DERA: variants seen among roughly 807,000 people sequenced by gnomAD.
DERA encodes the protein deoxyribose-phosphate aldolase.
DERA carries 15 observed loss-of-function variants against 41.1 expected under a neutral mutation model. The ratio of observed to expected loss-of-function variants is 0.37; its 90% CI spans 0.24 to 0.56. The LOEUF (loss-of-function observed/expected upper bound fraction) is 0.56. Among genes scored for constraint, DERA ranks in the 20% least tolerant of loss-of-function variants. The probability of loss-of-function intolerance (pLI) is 0.81; values close to 1 mark genes in which losing one functional copy is unlikely to be tolerated. For synonymous variants in DERA, 139 were observed against 137.4 expected (o/e 1.01, Z -0.08); for missense variants, 396 against 403.4 (o/e 0.98, Z 0.16).
rs11056751 is a variant in DERA, at chr12:15,999,475, A to T, written c.637+17039A>T. Among the ~76,000 whole-genome samples, 2,071 of 152,326 alleles carry T rather than the reference A, an allele frequency of 0.014. 43 individuals carry two copies. The highest frequency in any genetic ancestry group is 0.046 in the African/African-American group (1,918 of 41,570). On this transcript the variant is annotated intron_variant, in intron 6 of 8. Coordinates refer to ENST00000428559, the MANE Select transcript of DERA (RefSeq NM_015954.4). The surrounding 1 kb of genome is among the most constrained non-coding windows in gnomAD (Gnocchi z 5.3). ...ACAGCTGACCTTCTCTGGAGGAGTC[A>T]TAGAAGAATTCACAAAGCAAGTGGC...
intron 5 of DERA, among the ~76,000 whole-genome samples, chr12:15,978,999 A>T (rs572513805): frequency 1.1e-4 from 16 of 152,346 alleles, no homozygotes; most frequent in African/African-American, 3.4e-4. Context: ...GAGTTAAGTA[A>T]CTTACCCAAA....
At chr12:16,034,750 TTC>T (rs895485436) in intron 7 of DERA, among the ~76,000 whole-genome samples, 1 of 140,924 alleles carries the variant, frequency 7.1e-6, no homozygotes, top group African/African-American at 3.1e-5. Flanking sequence ...GTCTTCCATA[TTC>T]TCTTTAAAAA....
chr12:16,036,459 T>C lies in DERA; in HGVS notation c.900+78T>C, dbSNP rs552542858. The C allele has an allele frequency of 1.4e-4, 212 of 1,481,328 alleles. No homozygotes were observed. In the African/African-American group the frequency reaches 2.5e-3, roughly 18 times the overall value. The allele number at this position is 1,481,328 out of a possible 1,614,324, so 91.8% of individuals were successfully genotyped here. A position where few individuals can be genotyped will look rare whatever the true frequency, so the allele number is the denominator to read the frequency against. On this transcript the variant is annotated intron_variant, in intron 8 of 8. Coordinates refer to ENST00000428559, the MANE Select transcript of DERA (RefSeq NM_015954.4). This position sits in a 1 kb window ranked among gnomAD's most constrained non-coding sequence, Gnocchi z 4.9. ...GGAATTGAAAAGTCAAATTGAGAAC[T>C]GGAGATAAAAACTCATCTGATTGAC...
rs1033668649 is a variant in DERA at position 15,928,334 on chromosome 12, C to A, written c.31+16920C>A. ...GGTAGATATGAAATCTACAGGTAAT[C>A]TCTAAGTGTTATTTTAATTAACAAA... On this transcript the variant is annotated intron_variant, in intron 1 of 8. Transcript: ENST00000428559. The surrounding 1 kb of genome is among the most constrained non-coding windows in gnomAD (Gnocchi z 4.6). Among the ~76,000 whole-genome samples the A allele has an allele frequency of 6.6e-6, 1 of 152,206 alleles. No individual in the cohort carries two copies. Among genetic ancestry groups the A allele is most frequent in the African/African-American group, 2.4e-5 (1 of 41,454 alleles).
At chr12:15,958,094 T>C (rs1231607122) in intron 2 of DERA, 94 bp from the exon 3 acceptor site, 1 of 1,010,966 alleles carries the variant, frequency 9.9e-7, no homozygotes, top group Non-Finnish European at 1.4e-6. Context: ...ACACCCATAC[T>C]TGTCTAATGA....
chr12:15,994,615 G>A lies in DERA; in HGVS notation c.637+12179G>A, dbSNP rs1313818296. Among the ~76,000 whole-genome samples the A allele has an allele frequency of 1.3e-5, 2 of 152,084 alleles. No individual in the cohort carries two copies. The highest frequency in any genetic ancestry group is 4.8e-5 in the African/African-American group (2 of 41,412). On this transcript the variant is annotated intron_variant, in intron 6 of 8. Transcript: ENST00000428559. The surrounding 1 kb of genome is among the most constrained non-coding windows in gnomAD (Gnocchi z 4.8). ...ACTACAGGCGCCTGCAACCACGCCTGGCTAATTTTTTGTATTTTTAGTAGA... is the reference window on the plus strand; with the variant it reads ...ACTACAGGCGCCTGCAACCACGCCTAGCTAATTTTTTGTATTTTTAGTAGA...
intron 1 of DERA, among the ~76,000 whole-genome samples, chr12:15,944,685 T>A (rs896936016): frequency 1.7e-4 from 26 of 152,230 alleles, no homozygotes; most frequent in Non-Finnish European, 2.9e-5. Flanking sequence ...AGGTTGCCTG[T>A]TCACTCTAAT....
chr12:15,925,605 A>C (rs1192100661), intron 1 of DERA, among the ~76,000 whole-genome samples: 1 of 152,230 alleles, frequency 6.6e-6, no homozygotes, highest in Non-Finnish European at 1.5e-5. Context: ...TTTATAACTT[A>C]TCTGTAAATT....
At chr12:16,031,646 G>A (rs2136189727) in intron 6 of DERA, among the ~76,000 whole-genome samples, 1 of 152,278 alleles carries the variant, frequency 6.6e-6, no homozygotes, top group Middle Eastern at 3.4e-3. Context: ...GTATCTGACT[G>A]TGTGAACCTA....
intron 6 of DERA, among the ~76,000 whole-genome samples, chr12:16,025,483 G>T (rs1318118916): frequency 3.3e-5 from 5 of 152,046 alleles, no homozygotes; most frequent in African/African-American, 7.2e-5. Flanking sequence ...TGATGAGGGG[G>T]TCATTTCTCA....
rs1224655691 is a variant in DERA at position 15,984,343 on chromosome 12, C to T, written c.637+1907C>T. Among the ~76,000 whole-genome samples, 1 of 152,188 alleles carries T rather than the reference C, an allele frequency of 6.6e-6. No individual in the cohort carries two copies. Among genetic ancestry groups the T allele is most frequent in the Non-Finnish European group, 1.5e-5 (1 of 68,036 alleles). On this transcript the variant is annotated intron_variant, in intron 6 of 8. Coordinates refer to ENST00000428559, the MANE Select transcript of DERA (RefSeq NM_015954.4). The surrounding 1 kb of genome is among the most constrained non-coding windows in gnomAD (Gnocchi z 4.5). ...TTTGGAAGCTGTGTCCCACCCTCCACCCATCCTGTCCACAGAAAAAAATGT... is the reference window on the plus strand; with the variant it reads ...TTTGGAAGCTGTGTCCCACCCTCCATCCATCCTGTCCACAGAAAAAAATGT...
rs751932969 is a variant in DERA at position 15,994,689 on chromosome 12, G to A, written c.637+12253G>A. ...AGCATGGTCTCGATCTCCTGACCTC[G>A]CGATCCACCCACCTCGGCCTCCCAA... On this transcript the variant is annotated intron_variant, in intron 6 of 8. Transcript: ENST00000428559. The surrounding 1 kb of genome is among the most constrained non-coding windows in gnomAD (Gnocchi z 4.8). Among the ~76,000 whole-genome samples, 2 of 152,104 alleles carry A rather than the reference G, an allele frequency of 1.3e-5. No homozygotes were observed. The highest frequency in any genetic ancestry group is 2.9e-5 in the Non-Finnish European group (2 of 68,018).
At chr12:16,006,482 A>G (rs1948911563) in intron 6 of DERA, among the ~76,000 whole-genome samples, 1 of 152,228 alleles carries the variant, frequency 6.6e-6, no homozygotes, top group South Asian at 2.1e-4. Flanking sequence ...AGCGGCCCTC[A>G]TTTATAGTGT....
intron 6 of DERA, among the ~76,000 whole-genome samples, chr12:16,007,209 G>A (rs1948917577): frequency 7.1e-6 from 1 of 140,288 alleles, no homozygotes; most frequent in Non-Finnish European, 1.5e-5. Flanking sequence ...TTTGAGACAA[G>A]GTCTCACCCT....
Position 16,019,768 on chromosome 12 carries a change from A to C in DERA, c.638-12774A>C, listed in dbSNP as rs149025005. ...TAAAGTTATTTCTCTGATCCTTTGT[A>C]ATTCTTATTGATCATAATACTTACT... On this transcript the variant is annotated intron_variant, in intron 6 of 8. Transcript: ENST00000428559. This position sits in a 1 kb window ranked among gnomAD's most constrained non-coding sequence, Gnocchi z 4.4. Among the ~76,000 whole-genome samples the C allele has an allele frequency of 6.6e-6, 1 of 152,092 alleles. No individual in the cohort carries two copies. Among genetic ancestry groups the C allele is most frequent in the Non-Finnish European group, 1.5e-5 (1 of 68,016 alleles).
chr12:15,951,199 A>G (rs1948495109), intron 1 of DERA, among the ~76,000 whole-genome samples: 1 of 152,252 alleles, frequency 6.6e-6, no homozygotes, highest in African/African-American at 2.4e-5. Flanking sequence ...TGGGTGGGCC[A>G]GAGCAGGCTC....
chr12:15,990,817 T>TAGTAGCCA lies in DERA; in HGVS notation c.637+8381_637+8382insAGTAGCCA, dbSNP rs1948797189. ...TTTATGGCTGGATAGTAGTCCATGG[T>TAGTAGCCA]GCATATATATACACCACATTTTATT... On this transcript the variant is annotated intron_variant, in intron 6 of 8. Transcript: ENST00000428559. The surrounding 1 kb of genome is among the most constrained non-coding windows in gnomAD (Gnocchi z 4.3). Among the ~76,000 whole-genome samples the TAGTAGCCA allele has an allele frequency of 6.6e-6, 1 of 152,166 alleles. No individual in the cohort carries two copies. Among genetic ancestry groups the TAGTAGCCA allele is most frequent in the African/African-American group, 2.4e-5 (1 of 41,456 alleles).
rs968683580 is a variant in DERA at position 15,938,881 on chromosome 12, C to G, written c.32-18055C>G. On this transcript the variant is annotated intron_variant, in intron 1 of 8. Coordinates refer to ENST00000428559, the MANE Select transcript of DERA (RefSeq NM_015954.4). The surrounding 1 kb of genome is among the most constrained non-coding windows in gnomAD (Gnocchi z 4.1). Reference sequence around the variant, plus strand: ...AAAGTCTTCTCAATTTCATTTCTTTCCAGTACAGAATGTAAGCTTATCTAA... The same window carrying G: ...AAAGTCTTCTCAATTTCATTTCTTTGCAGTACAGAATGTAAGCTTATCTAA... 2.6e-5 allele frequency among the ~76,000 whole-genome samples: 4 copies of G among 152,172 alleles called. No homozygotes were observed. The highest frequency in any genetic ancestry group is 4.4e-5 in the Non-Finnish European group (3 of 68,020).
chr12:15,920,528 T>C (rs755207487), intron 1 of DERA, among the ~76,000 whole-genome samples: 1 of 152,192 alleles, frequency 6.6e-6, no homozygotes, highest in Non-Finnish European at 1.5e-5. Context: ...AGCCCCACAA[T>C]AGCTTTAATT....
Sources: allele counts gnomAD v4.1 joint callset (sites outside exome capture counted in the v4.1 genomes callset), GRCh38; gene constraint gnomAD v4.1.1; non-coding constraint Gnocchi (gnomAD v3.1); transcripts MANE v1.5; gene names NCBI Gene and HGNC (gene_info 2026-07-23, HGNC 2026-07-21).